DEK: variants seen among roughly 807,000 people sequenced by gnomAD.
The protein encoded by DEK is DEK proto-oncogene.
Under a neutral mutation model 46.8 loss-of-function variants are expected in DEK, and 28 were observed. The observed-to-expected ratio is 0.60, with a 90% CI of 0.44 to 0.82. The LOEUF (loss-of-function observed/expected upper bound fraction) is 0.82. DEK is among the 40% of genes least tolerant of loss of function. The probability of loss-of-function intolerance (pLI) is 0.00; values close to 1 mark genes in which losing one functional copy is unlikely to be tolerated. For synonymous variants in DEK, 160 were observed against 144.5 expected, an observed-to-expected ratio of 1.11 and a Z score of -0.77; for missense variants, 416 against 430.6, an observed-to-expected ratio of 0.97 and a Z score of 0.30.
chr6:18,246,890 G>A (rs1335711390), intron 7 of DEK, among the ~76,000 whole-genome samples: 1 of 152,172 alleles, frequency 6.6e-6, no homozygotes. Flanking sequence ...ATGAATAAGA[G>A]TCTTTTATTT....
At chr6:18,235,622 A>G (rs372398041) in intron 9 of DEK, among the ~76,000 whole-genome samples, 1 of 152,202 alleles carries the variant, frequency 6.6e-6, no homozygotes, top group African/African-American at 2.4e-5. Context: ...AAAGCTAAGT[A>G]ATGGCTTCTC....
rs375502855 is a variant in DEK, at chr6:18,226,196, A to G, written c.1094T>C (p.Phe365Ser). The change falls in exon 10 of 11, where the codon TTC (phenylalanine) becomes TCC (serine). Residue 365 changes from phenylalanine to serine, a missense_variant. Physicochemically the swap from Phe to Ser is radical, Grantham distance 155. Coordinates refer to ENST00000652689, the MANE Select transcript of DEK (RefSeq NM_003472.4). ...TACCTCTTTTACAGTTGTTTTTATG[A>G]AATCTTTTCTTTCAGTTAAATCATA... ...PTYDLTERKD[F>S]IKTTVKELIS The G allele has an allele frequency of 1.5e-6, 2 of 1,339,280 alleles. No individual in the cohort carries two copies. Among genetic ancestry groups the G allele is most frequent in the Non-Finnish European group, 2.0e-6 (2 of 1,004,996 alleles). The allele number at this position is 1,339,280 out of a possible 1,614,324, so 83.0% of individuals were successfully genotyped here.
intron 9 of DEK, among the ~76,000 whole-genome samples, chr6:18,228,391 G>C (rs981448872): frequency 1.3e-5 from 2 of 151,878 alleles, no homozygotes; most frequent in African/African-American, 4.8e-5. Context: ...GTTTGCCCCG[G>C]GAGGTTCCAA....
At chr6:18,238,683 CAAAA>C (rs201851628) in intron 7 of DEK, among the ~76,000 whole-genome samples, 2 of 91,802 alleles carry the variant, frequency 2.2e-5, no homozygotes, top group African/African-American at 4.7e-5. Flanking sequence ...GAGACTGTCT[CAAAA>C]AAAAAAAAAA....
chr6:18,252,038 A>G (rs1454460475), intron 6 of DEK, among the ~76,000 whole-genome samples: 1 of 152,250 alleles, frequency 6.6e-6, no homozygotes, highest in East Asian at 1.9e-4. Flanking sequence ...AGTTAAATCT[A>G]TTAATCAAAA....
At chr6:18,243,267 AG>A (rs2151085268) in intron 7 of DEK, among the ~76,000 whole-genome samples, 1 of 152,328 alleles carries the variant, frequency 6.6e-6, no homozygotes, top group South Asian at 2.1e-4. Context: ...TCTTCCTTGC[AG>A]TTGCTAATAA....
At chr6:18,255,146 C>T (rs751674610) in intron 6 of DEK, among the ~76,000 whole-genome samples, 8 of 152,308 alleles carry the variant, frequency 5.3e-5, no homozygotes, top group East Asian at 1.9e-4. Context: ...CTATGTCATT[C>T]GTTACCATTA....
intron 2 of DEK, among the ~76,000 whole-genome samples, chr6:18,259,034 G>C (rs900832315): frequency 2.0e-5 from 3 of 151,944 alleles, no homozygotes; most frequent in Admixed American, 2.0e-4. Flanking sequence ...AAATTGTTTA[G>C]TCACAAAAAT....
intron 2 of DEK, among the ~76,000 whole-genome samples, chr6:18,261,566 C>T (rs967373591): frequency 6.6e-6 from 1 of 150,770 alleles, no homozygotes; most frequent in Non-Finnish European, 1.5e-5. Context: ...AGCGAAACTC[C>T]GTTTCAAAAA....
In DEK at chr6:18,236,614, A is replaced by T. The variant is rs1790660208; in HGVS notation, c.899-14T>A. ...CAGACTCACTTTCTAAAAGTAATAT[A>T]ATAATAATAATTTTTCTTACATAGT... On this transcript the variant is annotated splice_polypyrimidine_tract_variant and intron_variant, in intron 8 of 10. Coordinates refer to ENST00000652689, the MANE Select transcript of DEK (RefSeq NM_003472.4). The T allele has an allele frequency of 2.2e-6, 3 of 1,394,120 alleles. No homozygotes were observed. The highest frequency in any genetic ancestry group is 1.9e-6 in the Non-Finnish European group (2 of 1,053,126). The allele number at this position is 1,394,120 out of a possible 1,614,324, so 86.4% of individuals were successfully genotyped here.
chr6:18,250,857 G>A (rs990857817), intron 6 of DEK, among the ~76,000 whole-genome samples: 7 of 151,842 alleles, frequency 4.6e-5, no homozygotes, highest in African/African-American at 1.5e-4. Context: ...TGAACTATAC[G>A]GTTTATATTC....
chr6:18,227,482 T>C (rs1050188998), intron 9 of DEK, among the ~76,000 whole-genome samples: 5 of 152,178 alleles, frequency 3.3e-5, no homozygotes, highest in Non-Finnish European at 4.4e-5. Context: ...TATTATCCTA[T>C]GACCCTGCCA....
chr6:18,232,455 T>C (rs1790452106), intron 9 of DEK, among the ~76,000 whole-genome samples: 2 of 152,088 alleles, frequency 1.3e-5, no homozygotes, highest in East Asian at 1.9e-4. Context: ...GATTCTATAT[T>C]TAGAAAACCC....
intron 10 of DEK, 105 bp downstream of exon 10, chr6:18,226,069 A>G: frequency 1.0e-6 from 1 of 960,586 alleles, no homozygotes; most frequent in Non-Finnish European, 1.4e-6. Flanking sequence ...TGAGGATCAA[A>G]TGTGATATTT....
intron 6 of DEK, among the ~76,000 whole-genome samples, chr6:18,252,243 C>T (rs1791408271): frequency 1.3e-5 from 2 of 152,128 alleles, no homozygotes; most frequent in African/African-American, 4.8e-5. Flanking sequence ...GACATAGTGG[C>T]TCATGCCTGT....
chr6:18,239,228 C>A (rs1790799267), intron 7 of DEK, among the ~76,000 whole-genome samples: 2 of 151,794 alleles, frequency 1.3e-5, no homozygotes, highest in South Asian at 4.1e-4. Flanking sequence ...CCGGCCAAGT[C>A]AACCTGTTTT....
chr6:18,253,738 G>A (rs1334621089), intron 6 of DEK, among the ~76,000 whole-genome samples: 1 of 152,086 alleles, frequency 6.6e-6, no homozygotes, highest in Non-Finnish European at 1.5e-5. Context: ...ATTATTTTGA[G>A]AGAGGATCTC....
At chr6:18,242,625 A>G (rs539275406) in intron 7 of DEK, among the ~76,000 whole-genome samples, 8 of 152,272 alleles carry the variant, frequency 5.3e-5, no homozygotes, top group South Asian at 2.1e-4. Context: ...ACCTTGGCCC[A>G]TTAGTCACTA....
Position 18,249,143 on chromosome 6 carries a change from A to G in DEK, c.762+508T>C, listed in dbSNP as rs949142501. Among the ~76,000 whole-genome samples the G allele has an allele frequency of 2.0e-5, 3 of 152,198 alleles. No individual in the cohort carries two copies. In the East Asian group the frequency reaches 5.8e-4, roughly 29 times the overall value. ...TACAAATACTCCCAAATAAAAGAAAATGACAGGTAATACAAAATTTATCCA... is the reference window on the plus strand; with the variant it reads ...TACAAATACTCCCAAATAAAAGAAAGTGACAGGTAATACAAAATTTATCCA... On this transcript the variant is annotated intron_variant, in intron 7 of 10. Coordinates refer to ENST00000652689, the MANE Select transcript of DEK (RefSeq NM_003472.4).
Sources: allele counts gnomAD v4.1 joint callset (sites outside exome capture counted in the v4.1 genomes callset), GRCh38; gene constraint gnomAD v4.1.1; transcripts MANE v1.5; gene names NCBI Gene and HGNC (gene_info 2026-07-23, HGNC 2026-07-21).